SUGCT: variants seen among roughly 807,000 people sequenced by gnomAD.
SUGCT encodes succinyl-CoA:glutarate-CoA transferase.
In SUGCT, 41 loss-of-function variants were observed where a neutral mutation model predicts 55.0. The observed-to-expected ratio is 0.74, with a 90% CI of 0.58 to 0.97. The LOEUF is 0.97. SUGCT is among the 50% of genes least tolerant of loss of function. SUGCT has a pLI of 0.00. For missense variants in SUGCT, 568 were observed against 547.8 expected, an observed-to-expected ratio of 1.04 and a Z score of -0.37; for synonymous variants, 187 against 200.4, an observed-to-expected ratio of 0.93 and a Z score of 0.56.
At chr7:40,536,977 G>A (rs1452017697) in intron 12 of SUGCT, among the ~76,000 whole-genome samples, 1 of 152,200 alleles carries the variant, frequency 6.6e-6, no homozygotes, top group African/African-American at 2.4e-5. Flanking sequence ...ATATTAGGCA[G>A]AGTGTTTCAG....
At chr7:40,377,518 C>A (rs1784665549) in intron 9 of SUGCT, among the ~76,000 whole-genome samples, 2 of 151,958 alleles carry the variant, frequency 1.3e-5, no homozygotes, top group African/African-American at 4.8e-5. Flanking sequence ...GCTGGAATTA[C>A]AGACGTGAGC....
the SUGCT span, among the ~76,000 whole-genome samples, chr7:40,898,419 GA>G: frequency 7.1e-6 from 1 of 141,280 alleles, no homozygotes; most frequent in African/African-American, 2.6e-5. Flanking sequence ...TCATCTTTAA[GA>G]ACTGTAACAC....
At chr7:40,941,027 A>T in the SUGCT span, among the ~76,000 whole-genome samples, 4 of 151,494 alleles carry the variant, frequency 2.6e-5, no homozygotes, top group African/African-American at 9.7e-5. Context: ...ATTGCTTTTG[A>T]TATTTTTGGG....
rs138158404 is a variant in SUGCT at position 40,616,100 on chromosome 7, T to C, written c.1089+119714T>C. Among the ~76,000 whole-genome samples the C allele has an allele frequency of 7.2e-5, 11 of 152,356 alleles. No homozygotes were observed. The East Asian group carries it at 2.1e-3, about 29-fold the overall frequency. On this transcript the variant is annotated intron_variant, in intron 12 of 13. Transcript: ENST00000335693. ...GACTGGAGAATGTGGTTAATAATTA[T>C]TGAATGACTATTATGTGCCAGATAC... is the stretch of plus-strand genomic sequence containing the variant.
chr7:40,990,281 C>T, the SUGCT span, among the ~76,000 whole-genome samples: 7 of 152,330 alleles, frequency 4.6e-5, no homozygotes, highest in Admixed American at 2.0e-4. Context: ...TTGTTATGAG[C>T]AGTAACATTT....
intron 9 of SUGCT, among the ~76,000 whole-genome samples, chr7:40,334,780 G>T (rs1205105724): frequency 2.6e-5 from 4 of 152,192 alleles, no homozygotes; most frequent in East Asian, 1.9e-4. Flanking sequence ...GTCAATTTTG[G>T]CTTTTGTTGC....
At chr7:40,612,167 C>T (rs891472148) in intron 12 of SUGCT, among the ~76,000 whole-genome samples, 1 of 152,078 alleles carries the variant, frequency 6.6e-6, no homozygotes, top group African/African-American at 2.4e-5. Flanking sequence ...TTTATATCTG[C>T]GAGAACCTTT....
intron 8 of SUGCT, among the ~76,000 whole-genome samples, chr7:40,290,334 C>T (rs1269588941): frequency 6.6e-6 from 1 of 152,054 alleles, no homozygotes; most frequent in African/African-American, 2.4e-5. Flanking sequence ...CAGAACAGAG[C>T]CCTCAGAAAT....
chr7:40,930,137 A>G, the SUGCT span, among the ~76,000 whole-genome samples: 1 of 152,182 alleles, frequency 6.6e-6, no homozygotes. Flanking sequence ...CTTTCTACAT[A>G]TGGCTAGCCA....
At chr7:40,287,572 A>C (rs1484772282) in intron 8 of SUGCT, among the ~76,000 whole-genome samples, 1 of 150,858 alleles carries the variant, frequency 6.6e-6, no homozygotes, top group East Asian at 1.9e-4. Flanking sequence ...ATCATGGCTC[A>C]CTGCAGCCTT....
At chr7:40,630,887 T>C (rs1447758875) in intron 12 of SUGCT, among the ~76,000 whole-genome samples, 2 of 44,150 alleles carry the variant, frequency 4.5e-5, no homozygotes, top group Non-Finnish European at 9.0e-5. Context: ...ACACACGGGG[T>C]CGGGGGGGTG....
chr7:40,665,317 C>G (rs1028342929), intron 12 of SUGCT, among the ~76,000 whole-genome samples: 1 of 151,976 alleles, frequency 6.6e-6, no homozygotes, highest in Non-Finnish European at 1.5e-5. Flanking sequence ...TGGCGTGCGC[C>G]TGCAATCCCA....
At chr7:40,178,937 TA>T (rs1175512829) in intron 1 of SUGCT, among the ~76,000 whole-genome samples, 1 of 152,206 alleles carries the variant, frequency 6.6e-6, no homozygotes, top group Non-Finnish European at 1.5e-5. Flanking sequence ...ACTTTTATTT[TA>T]TTTTTTTGTT....
intron 9 of SUGCT, among the ~76,000 whole-genome samples, chr7:40,423,425 T>C (rs547652750): frequency 1.3e-5 from 2 of 152,242 alleles, no homozygotes; most frequent in Admixed American, 1.3e-4. Context: ...TCCCAGAATA[T>C]ATTTATCAAT....
At chr7:40,367,468 A>T (rs919520273) in intron 9 of SUGCT, among the ~76,000 whole-genome samples, 3 of 151,912 alleles carry the variant, frequency 2.0e-5, no homozygotes, top group Non-Finnish European at 4.4e-5. Flanking sequence ...AAATAAAATA[A>T]AATGGCTGGC....
intron 12 of SUGCT, among the ~76,000 whole-genome samples, chr7:40,719,015 C>T (rs185064061): frequency 6.6e-6 from 1 of 152,178 alleles, no homozygotes; most frequent in Non-Finnish European, 1.5e-5. Context: ...ATACAAATTT[C>T]ATCATGTTAT....
intron 12 of SUGCT, among the ~76,000 whole-genome samples, chr7:40,667,992 C>T (rs1288041210): frequency 6.6e-6 from 1 of 151,970 alleles, no homozygotes; most frequent in Non-Finnish European, 1.5e-5. Flanking sequence ...ACCAAGAAAC[C>T]TGATATTCAT....
chr7:40,793,700 C>G (rs1790423383), intron 13 of SUGCT, among the ~76,000 whole-genome samples: 1 of 152,094 alleles, frequency 6.6e-6, no homozygotes, highest in South Asian at 2.1e-4. Context: ...GAAGTCATGT[C>G]TGTCAACAGT....
intron 13 of SUGCT, among the ~76,000 whole-genome samples, chr7:40,831,279 C>A (rs543454842): frequency 1.3e-5 from 2 of 152,176 alleles, no homozygotes; most frequent in Non-Finnish European, 2.9e-5. Flanking sequence ...CTCCTGCCCC[C>A]CTCCCTCTAC....
Sources: allele counts gnomAD v4.1 joint callset (sites outside exome capture counted in the v4.1 genomes callset), GRCh38; gene constraint gnomAD v4.1.1; transcripts MANE v1.5; gene names NCBI Gene and HGNC (gene_info 2026-07-23, HGNC 2026-07-21).